Variants in SLC8A1 observed in about 807,000 individuals in gnomAD.
SLC8A1 encodes solute carrier family 8 member A1.
A neutral mutation model predicts 68.3 loss-of-function variants in SLC8A1; 18 were observed. That is an observed-to-expected ratio of 0.26 (90% CI 0.18 to 0.39). The LOEUF (loss-of-function observed/expected upper bound fraction) is 0.39, where lower values mean the gene tolerates loss of function less well. Among genes scored for constraint, SLC8A1 ranks in the 10% least tolerant of loss-of-function variants. The pLI is 1.00. For synonymous variants in SLC8A1, 475 were observed against 415.5 expected (o/e 1.14, Z -1.74); for missense variants, 985 against 1,156.7 (o/e 0.85, Z 2.15).
intron 2 of SLC8A1, among the ~76,000 whole-genome samples, chr2:40,188,577 T>C (rs1364476970): frequency 6.6e-6 from 1 of 152,222 alleles, no homozygotes; most frequent in Non-Finnish European, 1.5e-5. Context: ...ACCTTTGGTC[T>C]TTCTTCCTAT....
intron 7 of SLC8A1, among the ~76,000 whole-genome samples, chr2:40,127,387 GGTT>G (rs2038352554): frequency 6.6e-6 from 1 of 152,122 alleles, no homozygotes; most frequent in Non-Finnish European, 1.5e-5. Flanking sequence ...ACCAAGTGCT[GGTT>G]CCCCTTGAGC....
At chr2:40,409,896 G>T (rs1328309917) in intron 2 of SLC8A1, among the ~76,000 whole-genome samples, 2 of 152,054 alleles carry the variant, frequency 1.3e-5, no homozygotes, top group Non-Finnish European at 1.5e-5. Context: ...AAACTTATCA[G>T]TGGTGCTACT....
intron 2 of SLC8A1, among the ~76,000 whole-genome samples, chr2:40,289,220 G>A (rs535468428): frequency 5.5e-4 from 82 of 148,350 alleles, no homozygotes; most frequent in African/African-American, 2.1e-3. Flanking sequence ...ACCAAATCCT[G>A]TTTTTTTTAA....
chr2:40,348,246 T>C (rs1345239824), intron 2 of SLC8A1, among the ~76,000 whole-genome samples: 2 of 152,152 alleles, frequency 1.3e-5, no homozygotes, highest in Admixed American at 1.3e-4. Flanking sequence ...GGGCAAGTCA[T>C]TTAATTGCTC....
At chr2:40,180,154 A>G (rs2148577017) in intron 2 of SLC8A1, among the ~76,000 whole-genome samples, 1 of 152,256 alleles carries the variant, frequency 6.6e-6, no homozygotes, top group South Asian at 2.1e-4. Context: ...AACTACCAAC[A>G]GTATGATAAT....
rs556019528 is a variant in SLC8A1 at position 40,404,165 on chromosome 2, G to A, written c.1808+24308C>T. On this transcript the variant is annotated intron_variant, in intron 2 of 7. Transcript: ENST00000406785. ...CTACCTCAGCCTCCAAAGTACTGAG[G>A]ATTACAGGCTTCAGCCACTGCACCC... Among the ~76,000 whole-genome samples the A allele has an allele frequency of 1.1e-4, 16 of 152,212 alleles. 1 individual carries two copies. The East Asian group carries it at 1.7e-3, about 17-fold the overall frequency.
chr2:40,383,745 C>T (rs1388293182), intron 2 of SLC8A1, among the ~76,000 whole-genome samples: 3 of 152,040 alleles, frequency 2.0e-5, no homozygotes, highest in Non-Finnish European at 2.9e-5. Context: ...TGGCAAGACA[C>T]TATTTAACAA....
At chr2:40,118,052 A>G (rs1370324582) in intron 7 of SLC8A1, among the ~76,000 whole-genome samples, 6 of 152,224 alleles carry the variant, frequency 3.9e-5, no homozygotes, top group African/African-American at 1.2e-4. Context: ...AGAAGTAGAC[A>G]AACACTGCTT....
chr2:40,204,131 C>T (rs1296273710), intron 2 of SLC8A1, among the ~76,000 whole-genome samples: 1 of 151,936 alleles, frequency 6.6e-6, no homozygotes, highest in African/African-American at 2.4e-5. Flanking sequence ...TTTTAAAAGC[C>T]ATTTGTTGCA....
At chr2:40,244,312 G>GT (rs1558925415) in intron 2 of SLC8A1, among the ~76,000 whole-genome samples, 1 of 152,130 alleles carries the variant, frequency 6.6e-6, no homozygotes, top group East Asian at 1.9e-4. Flanking sequence ...CATCTACTAC[G>GT]TGAGTCTCCT....
intron 1 of SLC8A1, among the ~76,000 whole-genome samples, chr2:40,464,913 A>C (rs150730960): frequency 6.6e-6 from 1 of 152,128 alleles, no homozygotes; most frequent in African/African-American, 2.4e-5. Context: ...AATGAGATTG[A>C]TCAGAAGCAG....
chr2:40,186,794 T>C (rs987817359), intron 2 of SLC8A1, among the ~76,000 whole-genome samples: 3 of 152,206 alleles, frequency 2.0e-5, no homozygotes, highest in African/African-American at 4.8e-5. Context: ...ATCTATCAAA[T>C]GAAGATAATA....
rs1697111953 is a variant in SLC8A1, at chr2:40,427,229, T to TA, written c.1808+1243_1808+1244insT. On this transcript the variant is annotated intron_variant, in intron 2 of 7. Coordinates refer to ENST00000406785, the Ensembl canonical transcript of SLC8A1. ...GAGATGTAAAGACACTGGAAGGCTC[T>TA]CTCAGGAAAATCTGTTCTCTCTGCC... Among the ~76,000 whole-genome samples the TA allele has an allele frequency of 2.0e-5, 3 of 152,198 alleles. No individual in the cohort carries two copies. The South Asian group carries it at 6.2e-4, about 32-fold the overall frequency.
Position 40,240,732 on chromosome 2 carries a change from G to C in SLC8A1, c.1809-62877C>G, listed in dbSNP as rs2061105766. Among the ~76,000 whole-genome samples the C allele has an allele frequency of 3.3e-5, 5 of 152,160 alleles. No individual in the cohort carries two copies. In the South Asian group the frequency reaches 1.0e-3, roughly 31 times the overall value. ...CACATTTTTCTAGTTTAAAAGTGAA[G>C]TCGGGCATGGCAGCTCCTGCCTGTA... On this transcript the variant is annotated intron_variant, in intron 2 of 7. Coordinates refer to ENST00000406785, the Ensembl canonical transcript of SLC8A1.
At chr2:40,430,375 T>C in intron 1 of SLC8A1, 71 bp from the exon 2 acceptor site, 3 of 1,419,674 alleles carry the variant, frequency 2.1e-6, no homozygotes, top group Non-Finnish European at 2.8e-6. Flanking sequence ...AAAGCATTAC[T>C]AATTACTTAT....
At chr2:40,306,467 C>T (rs974003693) in intron 2 of SLC8A1, among the ~76,000 whole-genome samples, 2 of 151,158 alleles carry the variant, frequency 1.3e-5, no homozygotes, top group South Asian at 2.1e-4. Flanking sequence ...GGGGGCATAG[C>T]GTGGAATATT....
chr2:40,254,919 T>C (rs2063636773), intron 2 of SLC8A1: 1 of 152,090 alleles, frequency 6.6e-6, no homozygotes, highest in Non-Finnish European at 1.5e-5. Flanking sequence ...AGGCACTATT[T>C]AATTATAAAA....
exon 8 of SLC8A1, chr2:40,111,457 T>C (rs1022482605): frequency 2.6e-5 from 4 of 152,144 alleles, no homozygotes; most frequent in African/African-American, 9.7e-5. Flanking sequence ...CATATGACCA[T>C]ATAAAGAATA....
chr2:40,370,844 T>A (rs528930356), intron 2 of SLC8A1, among the ~76,000 whole-genome samples: 2 of 152,040 alleles, frequency 1.3e-5, no homozygotes, highest in African/African-American at 4.8e-5. Context: ...AATAAGGAAA[T>A]TGAAGGTTTA....
Sources: gnomAD v4.1 joint callset for allele counts (sites outside exome capture counted in the v4.1 genomes callset) on GRCh38, gnomAD v4.1.1 for gene constraint, MANE v1.5 for transcripts, NCBI Gene and HGNC (gene_info 2026-07-23, HGNC 2026-07-21) for gene names.